Variants in LRRTM4 observed in about 807,000 individuals in gnomAD.
The protein encoded by LRRTM4 is leucine rich repeat transmembrane neuronal 4.
In LRRTM4, 25 loss-of-function variants were observed where a neutral mutation model predicts 47.6. The observed-to-expected ratio is 0.53, with a 90% confidence interval of 0.38 to 0.73. The LOEUF (loss-of-function observed/expected upper bound fraction) is 0.73, where lower values mean the gene tolerates loss of function less well. Ranked by LOEUF, LRRTM4 falls within the 30% of genes least tolerant of loss-of-function variation. LRRTM4 has a pLI of 0.00. For missense variants in LRRTM4, 638 were observed against 713.4 expected, an observed-to-expected ratio of 0.89 and a Z score of 1.20; for synonymous variants, 311 against 269.5, an observed-to-expected ratio of 1.15 and a Z score of -1.51.
chr2:77,468,978 G>T (rs1677085783), intron 3 of LRRTM4, among the ~76,000 whole-genome samples: 1 of 152,184 alleles, frequency 6.6e-6, no homozygotes, highest in African/African-American at 2.4e-5. Context: ...TACTGAAATT[G>T]AAAACGAATC....
intron 3 of LRRTM4, among the ~76,000 whole-genome samples, chr2:77,086,641 C>T (rs1315538917): frequency 1.3e-5 from 2 of 151,454 alleles, no homozygotes; most frequent in Non-Finnish European, 2.9e-5. Context: ...CCATGCCTGA[C>T]TTTCGTTTGT....
At chr2:77,480,928 C>A (rs147507676) in intron 3 of LRRTM4, among the ~76,000 whole-genome samples, 1 of 150,774 alleles carries the variant, frequency 6.6e-6, no homozygotes. Flanking sequence ...AATGATGCAA[C>A]GAAGAATCAC....
chr2:76,934,253 T>A (rs1674866583), intron 3 of LRRTM4, among the ~76,000 whole-genome samples: 1 of 152,174 alleles, frequency 6.6e-6, no homozygotes, highest in Non-Finnish European at 1.5e-5. Flanking sequence ...AATACCCACT[T>A]ACACACATAT....
chr2:77,471,609 A>G (rs181456405), intron 3 of LRRTM4, among the ~76,000 whole-genome samples: 97 of 152,198 alleles, frequency 6.4e-4, no homozygotes, highest in African/African-American at 2.3e-3. Context: ...TTGATCCTCA[A>G]ACAAACCCAT....
chr2:77,041,877 G>A (rs533139428), intron 3 of LRRTM4, among the ~76,000 whole-genome samples: 1 of 149,106 alleles, frequency 6.7e-6, no homozygotes, highest in South Asian at 2.1e-4. Context: ...TCTGAATATT[G>A]AAACAATTCT....
chr2:76,843,046 C>T (rs187935625), intron 3 of LRRTM4, among the ~76,000 whole-genome samples: 6 of 152,290 alleles, frequency 3.9e-5, no homozygotes, highest in East Asian at 3.9e-4. Flanking sequence ...TTACACATTT[C>T]GGCTCTTTTT....
At chr2:77,143,767 C>T (rs1012557662) in intron 3 of LRRTM4, among the ~76,000 whole-genome samples, 6 of 152,078 alleles carry the variant, frequency 3.9e-5, no homozygotes, top group Admixed American at 3.3e-4. Flanking sequence ...AATAAATGGG[C>T]AAAATCACTA....
rs561882810 is a variant in LRRTM4, at chr2:77,521,301, A to T, written c.4+367T>A. Among the ~76,000 whole-genome samples the T allele has an allele frequency of 6.6e-5, 10 of 152,156 alleles. No homozygotes were observed. In the South Asian group the frequency reaches 2.1e-3, roughly 32 times the overall value. On this transcript the variant is annotated intron_variant, in intron 2 of 3. Coordinates refer to ENST00000409884, the MANE Select transcript of LRRTM4 (RefSeq NM_001134745.3). ...CCCTACATACACGCAGCAAAGTGTTAATAGTCATCCTGACAGCTACCAGAA... is the reference window on the plus strand; with the variant it reads ...CCCTACATACACGCAGCAAAGTGTTTATAGTCATCCTGACAGCTACCAGAA...
At chr2:77,136,111 T>A (rs554381294) in intron 3 of LRRTM4, among the ~76,000 whole-genome samples, 122 of 152,148 alleles carry the variant, frequency 8.0e-4, no homozygotes, top group African/African-American at 2.6e-3. Flanking sequence ...CATTTCCAAC[T>A]GAGCTTTGAA....
At position 76,919,859 on chromosome 2, in the gene LRRTM4, G is replaced by C. The variant is rs117443118; in HGVS notation, c.1552-170943C>G. 1.8e-3 allele frequency among the ~76,000 whole-genome samples: 270 copies of C among 152,188 alleles called. 2 individuals carry two copies. In the East Asian group the frequency reaches 0.037, roughly 21 times the overall value. On this transcript the variant is annotated intron_variant, in intron 3 of 3. Transcript: ENST00000409884. Reference sequence around the variant, plus strand: ...TTACATATGACGGGTCTGTCTTCTTGTTGTGTCATTTTCTGGTCCTTTCTC... The same window carrying C: ...TTACATATGACGGGTCTGTCTTCTTCTTGTGTCATTTTCTGGTCCTTTCTC...
At chr2:77,244,340 C>T (rs372438165) in intron 3 of LRRTM4, among the ~76,000 whole-genome samples, 1 of 151,524 alleles carries the variant, frequency 6.6e-6, no homozygotes, top group South Asian at 2.1e-4. Flanking sequence ...CCTGAGGAAT[C>T]GCCACACTGA....
intron 3 of LRRTM4, among the ~76,000 whole-genome samples, chr2:77,511,770 G>A (rs1362561910): frequency 6.6e-6 from 1 of 151,760 alleles, no homozygotes; most frequent in Non-Finnish European, 1.5e-5. Context: ...TTATTAATAT[G>A]TATCAGCTTT....
chr2:76,950,331 A>T (rs1474705509), intron 3 of LRRTM4, among the ~76,000 whole-genome samples: 1 of 151,942 alleles, frequency 6.6e-6, no homozygotes, highest in Non-Finnish European at 1.5e-5. Flanking sequence ...CACTTCAGGT[A>T]TTGGGATGGA....
intron 3 of LRRTM4, among the ~76,000 whole-genome samples, chr2:77,440,055 T>A (rs1281418944): frequency 2.0e-5 from 3 of 152,184 alleles, no homozygotes; most frequent in African/African-American, 7.2e-5. Context: ...TACAGTCATG[T>A]AGCACTGGCA....
intron 3 of LRRTM4, among the ~76,000 whole-genome samples, chr2:76,760,201 A>G (rs1392982600): frequency 6.6e-6 from 1 of 152,126 alleles, no homozygotes; most frequent in African/African-American, 2.4e-5. Context: ...TTAAAACAGG[A>G]CATCTAGAAT....
intron 3 of LRRTM4, among the ~76,000 whole-genome samples, chr2:77,217,080 A>G (rs1362093264): frequency 6.6e-6 from 1 of 151,568 alleles, no homozygotes; most frequent in Non-Finnish European, 1.5e-5. Context: ...CAAAAAAAAA[A>G]AAAAAAGGGA....
At chr2:77,347,528 A>G (rs1308232495) in intron 3 of LRRTM4, among the ~76,000 whole-genome samples, 1 of 152,198 alleles carries the variant, frequency 6.6e-6, no homozygotes, top group Non-Finnish European at 1.5e-5. Context: ...ACAAAATAAA[A>G]AATACATAAT....
intron 3 of LRRTM4, among the ~76,000 whole-genome samples, chr2:76,988,290 A>G (rs942002288): frequency 1.3e-5 from 2 of 151,890 alleles, no homozygotes; most frequent in African/African-American, 2.4e-5. Context: ...AGGAAAGAAA[A>G]GAGTAGAATG....
At chr2:77,070,580 T>C (rs1394926394) in intron 3 of LRRTM4, among the ~76,000 whole-genome samples, 1 of 152,184 alleles carries the variant, frequency 6.6e-6, no homozygotes, top group Admixed American at 6.5e-5. Context: ...TACTAAGATA[T>C]TGTATCTTTT....
Sources: gnomAD v4.1 joint callset for allele counts (sites outside exome capture counted in the v4.1 genomes callset) on GRCh38, gnomAD v4.1.1 for gene constraint, MANE v1.5 for transcripts, NCBI Gene and HGNC (gene_info 2026-07-23, HGNC 2026-07-21) for gene names.